Variants in LARS1 observed in about 807,000 individuals in gnomAD.
LARS1 encodes the protein leucyl-tRNA synthetase 1.
A neutral mutation model predicts 162.8 loss-of-function variants in LARS1; 100 were observed. That is an observed-to-expected ratio of 0.61 (90% CI 0.52 to 0.73). The LOEUF is 0.73. LARS1 is among the 30% of genes least tolerant of loss of function. LARS1 has a pLI of 0.00. For missense variants in LARS1, 1,258 were observed against 1,408.9 expected (o/e 0.89, Z 1.71); for synonymous variants, 457 against 462.8 (o/e 0.99, Z 0.16).
chr5:146,129,710 A>G (rs1472856859), intron 25 of LARS1, among the ~76,000 whole-genome samples: 3 of 94,096 alleles, frequency 3.2e-5, no homozygotes, highest in African/African-American at 8.1e-5. Flanking sequence ...ATACTTACAC[A>G]AATATACACA....
chr5:146,169,003 A>G (rs1056736037), intron 4 of LARS1, among the ~76,000 whole-genome samples: 4 of 152,158 alleles, frequency 2.6e-5, no homozygotes, highest in Non-Finnish European at 4.4e-5. Context: ...AATATGGCAC[A>G]TGTATACACA....
intron 3 of LARS1, 66 bp downstream of exon 3, chr5:146,172,621 T>C: frequency 2.2e-6 from 2 of 894,492 alleles, no homozygotes; most frequent in Non-Finnish European, 3.3e-6. Flanking sequence ...ATAGCTGCCA[T>C]TTTCTTCAAA....
intron 31 of LARS1, among the ~76,000 whole-genome samples, chr5:146,114,726 A>G (rs1324594732): frequency 6.6e-6 from 1 of 151,406 alleles, no homozygotes; most frequent in African/African-American, 2.4e-5. Context: ...ACAAAGTGAG[A>G]CTCTATCTCA....
chr5:146,133,843 G>GC (rs1342002886), intron 22 of LARS1, among the ~76,000 whole-genome samples: 1 of 151,942 alleles, frequency 6.6e-6, no homozygotes, highest in Admixed American at 6.6e-5. Context: ...ACATATCTAT[G>GC]TTTTTTGTTT....
intron 28 of LARS1, 92 bp from the exon 29 acceptor site, chr5:146,124,178 G>T (rs945982748): frequency 7.5e-6 from 6 of 794,960 alleles, no homozygotes; most frequent in Non-Finnish European, 1.1e-5. Context: ...TCTCTCAACT[G>T]ATAAAATCTT....
At chr5:146,129,679 G>A (rs139116786) in intron 25 of LARS1, among the ~76,000 whole-genome samples, 1 of 151,782 alleles carries the variant, frequency 6.6e-6, no homozygotes, top group African/African-American at 2.4e-5. Context: ...ATATATGCCA[G>A]AAGTTTTATA....
rs1561498221 is a variant in LARS1, at chr5:146,174,526, AT to A, written c.126-1753del. Among the ~76,000 whole-genome samples, 149 of 110,354 alleles carry A rather than the reference AT, an allele frequency of 1.4e-3. 12 individuals are homozygous for A. Among genetic ancestry groups the A allele is most frequent in the Middle Eastern group, 3.9e-3 (1 of 256 alleles). The allele number at this position is 110,354 out of a possible 152,430, so 72.4% of individuals were successfully genotyped here. A position where few individuals can be genotyped will look rare whatever the true frequency, so the allele number is the denominator to read the frequency against. On this transcript the variant is annotated intron_variant, in intron 2 of 31. Transcript: ENST00000394434. ...CATATATATATATATATATCCATATATATATATATATCCATATATGTATATA... is the reference window on the plus strand; with the variant it reads ...CATATATATATATATATATCCATATAATATATATATCCATATATGTATATA...
rs1215872311 is a variant in LARS1, at chr5:146,164,399, C to T, written c.505G>A (p.Glu169Lys). The T allele has an allele frequency of 2.5e-6, 4 of 1,613,820 alleles. No homozygotes were observed. The African/African-American group carries it at 5.3e-5, about 22-fold the overall frequency. ...GIMKSLGLSD[E>K]EIVKFSEAEH... ...GCTTCAGAAAATTTTACTATCTCTTCATCAGACAGGCCAAGGGATTTCATA... is the reference window on the plus strand; with the variant it reads ...GCTTCAGAAAATTTTACTATCTCTTTATCAGACAGGCCAAGGGATTTCATA... Residue 169 changes from glutamate (E) to lysine (K), a missense_variant, in exon 6 of 32, where the codon GAA becomes AAA. Physicochemically the swap from Glu to Lys is moderately conservative, Grantham distance 56. Transcript: ENST00000394434.
chr5:146,181,519 T>C (rs1313477493), intron 1 of LARS1, among the ~76,000 whole-genome samples: 2 of 151,892 alleles, frequency 1.3e-5, no homozygotes, highest in East Asian at 1.9e-4. Context: ...CAGGGTGTAA[T>C]GGAGCACGCT....
chr5:146,158,857 G>A (rs1753644289), intron 8 of LARS1, among the ~76,000 whole-genome samples: 1 of 152,168 alleles, frequency 6.6e-6, no homozygotes, highest in Non-Finnish European at 1.5e-5. Flanking sequence ...AGCACTTTGG[G>A]AGGCCAAGGC....
In LARS1 at chr5:146,144,554, T is replaced by C; in HGVS notation, c.1590-17A>G. 2 of 1,613,678 alleles carry C rather than the reference T, an allele frequency of 1.2e-6. No individual in the cohort carries two copies. Among genetic ancestry groups the C allele is most frequent in the South Asian group, 2.2e-5 (2 of 90,930 alleles). ...TCCAAGTACCTGGGAGTGGACAAAT[T>C]GATATGTTTTTTTTTAAGTCAAAGG... On this transcript the variant is annotated splice_polypyrimidine_tract_variant and intron_variant, in intron 16 of 31. Coordinates refer to ENST00000394434, the MANE Select transcript of LARS1 (RefSeq NM_020117.11).
chr5:146,146,360 A>T (rs1753006750), intron 15 of LARS1, among the ~76,000 whole-genome samples: 1 of 136,896 alleles, frequency 7.3e-6, no homozygotes. Flanking sequence ...AAAAAGAAAG[A>T]GAAGAGAGAG....
Position 146,178,314 on chromosome 5 carries a change from T to A in LARS1, c.7-649A>T, listed in dbSNP as rs910196449. Among the ~76,000 whole-genome samples, 3 of 152,016 alleles carry A rather than the reference T, an allele frequency of 2.0e-5. No homozygotes were observed. The East Asian group carries it at 5.8e-4, about 29-fold the overall frequency. On this transcript the variant is annotated intron_variant, in intron 1 of 31. Transcript: ENST00000394434. The stretch of plus-strand genomic sequence containing the variant: ...CAAAATTGTTAAAGAACTGTTCATA[T>A]GAAATTTAAATAAAACAGGCTGGAC...
At chr5:146,171,561 A>G (rs1173761041) in intron 4 of LARS1, among the ~76,000 whole-genome samples, 1 of 152,146 alleles carries the variant, frequency 6.6e-6, no homozygotes, top group Non-Finnish European at 1.5e-5. Context: ...ACAACTGTTT[A>G]TTATTTTATG....
intron 8 of LARS1, among the ~76,000 whole-genome samples, chr5:146,159,070 T>C (rs555595676): frequency 6.6e-6 from 1 of 151,064 alleles, no homozygotes; most frequent in Non-Finnish European, 1.5e-5. Context: ...CAGTCCGGTC[T>C]GGGCTAAAGA....
At chr5:146,141,331 G>A (rs1752769031) in intron 20 of LARS1, among the ~76,000 whole-genome samples, 1 of 152,106 alleles carries the variant, frequency 6.6e-6, no homozygotes, top group Admixed American at 6.6e-5. Flanking sequence ...AGTAAAAAGA[G>A]TTATTAAAAG....
At chr5:146,130,433 T>C in intron 24 of LARS1, 1 of 413,440 alleles carries the variant, frequency 2.4e-6, no homozygotes, top group Non-Finnish European at 4.3e-6. Context: ...TAACTGTATA[T>C]TAAGGGTGAC....
At chr5:146,182,400 T>A in intron 1 of LARS1, 88 bp downstream of exon 1, 1 of 1,554,534 alleles carries the variant, frequency 6.4e-7, no homozygotes, top group Non-Finnish European at 8.9e-7. Flanking sequence ...AGAAAAGGAC[T>A]TTCCCTTCAG....
Position 146,161,406 on chromosome 5 carries a change from A to G in LARS1, c.595-920T>C, listed in dbSNP as rs12522922. On this transcript the variant is annotated intron_variant, in intron 6 of 31. Coordinates refer to ENST00000394434, the MANE Select transcript of LARS1 (RefSeq NM_020117.11). Reference sequence around the variant, plus strand: ...TCTCTGTAGCATGCGATGCTGTCTGATAGCATTTTACTCATAATAGAACTT... The same window carrying G: ...TCTCTGTAGCATGCGATGCTGTCTGGTAGCATTTTACTCATAATAGAACTT... Among the ~76,000 whole-genome samples, 1,460 of 152,216 alleles carry G rather than the reference A, an allele frequency of 9.6e-3. 37 individuals are homozygous for G. The highest frequency in any genetic ancestry group is 0.054 in the East Asian group (277 of 5,166).
Sources: gnomAD v4.1 joint callset for allele counts (sites outside exome capture counted in the v4.1 genomes callset) on GRCh38, gnomAD v4.1.1 for gene constraint, MANE v1.5 for transcripts, NCBI Gene and HGNC (gene_info 2026-07-23, HGNC 2026-07-21) for gene names.